The following AGGF1 variants were observed in gnomAD, a reference collection of about 807,000 sequenced individuals.
The protein encoded by AGGF1 is angiogenic factor with G-patch and FHA domains 1.
In AGGF1, 56 loss-of-function variants were observed where a neutral mutation model predicts 86.5. The observed-to-expected ratio is 0.65, with a 90% CI of 0.52 to 0.81. The LOEUF (loss-of-function observed/expected upper bound fraction) is 0.81. Ranked by LOEUF, AGGF1 falls within the 30% of genes least tolerant of loss-of-function variation. AGGF1 has a pLI of 0.00. For synonymous variants in AGGF1, 313 were observed against 297.1 expected, an observed-to-expected ratio of 1.05 and a Z score of -0.55; for missense variants, 816 against 850.9, an observed-to-expected ratio of 0.96 and a Z score of 0.51.
intron 5 of AGGF1, among the ~76,000 whole-genome samples, chr5:77,043,863 C>T (rs1293408123): frequency 2.2e-5 from 3 of 134,956 alleles, no homozygotes; most frequent in Admixed American, 7.3e-5. Flanking sequence ...ACTTCTCAGA[C>T]GGGGCGGCCG....
At position 77,063,498 on chromosome 5, in the gene AGGF1, G is replaced by A. The variant is rs1049656089; in HGVS notation, c.*246G>A. 3.8e-5 allele frequency: 18 copies of A among 476,236 alleles called. No individual in the cohort carries two copies. Among genetic ancestry groups the A allele is most frequent in the African/African-American group, 2.0e-4 (10 of 51,092 alleles). The allele number at this position is 476,236 out of a possible 1,614,324, so 29.5% of individuals were successfully genotyped here. A position where few individuals can be genotyped will look rare whatever the true frequency, so the allele number is the denominator to read the frequency against. On this transcript the variant is annotated 3_prime_UTR_variant, in exon 14 of 14. Transcript: ENST00000312916. ...GGCACGGATGAGTTTATCAAACTTC[G>A]TTATTTTATCTTGTCATTTACAACA...
chr5:77,064,683 C>T lies in AGGF1; in HGVS notation c.*1431C>T, dbSNP rs764165825. 2 of 152,144 alleles carry T rather than the reference C, an allele frequency of 1.3e-5. No individual in the cohort carries two copies. The highest frequency in any genetic ancestry group is 6.5e-5 in the Admixed American group (1 of 15,270). 9.4% of individuals were successfully genotyped at this position (152,144 alleles called of 1,614,324 possible). On this transcript the variant is annotated 3_prime_UTR_variant, in exon 14 of 14. Transcript: ENST00000312916. The stretch of plus-strand genomic sequence containing the variant: ...TGACACATACGTATGTACAGTTAGA[C>T]TTGCAGGCTGCAGGAGTGCCCTGCA...
chr5:77,044,173 A>G (rs3951436), intron 5 of AGGF1, among the ~76,000 whole-genome samples: 2 of 146,128 alleles, frequency 1.4e-5, no homozygotes, highest in East Asian at 2.0e-4. Context: ...CTTCCCAGAC[A>G]GGGTGGCGGC....
chr5:77,035,323 G>T (rs1746943835), intron 2 of AGGF1, among the ~76,000 whole-genome samples: 1 of 151,582 alleles, frequency 6.6e-6, no homozygotes, highest in African/African-American at 2.4e-5. Context: ...TTAACTGACA[G>T]CTAGGGTCTT....
chr5:77,046,548 G>A lies in AGGF1; in HGVS notation c.1072G>A (p.Asp358Asn). 1 of 1,613,854 alleles carries A rather than the reference G, an allele frequency of 6.2e-7. No individual in the cohort carries two copies. Among genetic ancestry groups the A allele is most frequent in the Non-Finnish European group, 8.5e-7 (1 of 1,179,886 alleles). Residue 358 changes from aspartate to asparagine, a missense_variant, in exon 6 of 14, where the codon GAT becomes AAT. Physicochemically the swap from Asp to Asn is conservative, Grantham distance 23. Transcript: ENST00000312916. ...CATCTCTAATTCAACATCATTTAAA[G>A]ATGAGAAAATCATGGAGACTGATAG... ...ENISNSTSFK[D>N]EKIMETDSEP... is the part of the protein sequence containing the mutation.
intron 3 of AGGF1, among the ~76,000 whole-genome samples, chr5:77,036,227 A>C (rs1580123612): frequency 1.3e-5 from 2 of 152,108 alleles, no homozygotes; most frequent in African/African-American, 4.8e-5. Flanking sequence ...TTTCCAATTG[A>C]ACATATAATC....
intron 1 of AGGF1, among the ~76,000 whole-genome samples, chr5:77,031,739 C>T (rs1746857319): frequency 6.6e-6 from 1 of 152,046 alleles, no homozygotes; most frequent in Non-Finnish European, 1.5e-5. Context: ...CCGGGCGTCT[C>T]TACTAAATAC....
In AGGF1 at chr5:77,063,563, AC is replaced by A; in HGVS notation, c.*312del. 3.0e-6 allele frequency: 1 copy of A among 337,448 alleles called. No homozygotes were observed. The highest frequency in any genetic ancestry group is 7.2e-5 in the East Asian group (1 of 13,812). The allele number at this position is 337,448 out of a possible 1,614,324, so 20.9% of individuals were successfully genotyped here. A position where few individuals can be genotyped will look rare whatever the true frequency, so the allele number is the denominator to read the frequency against. Reference sequence around the variant, plus strand: ...TAGCCATATAAGCAAAATTCATAGAACTACTAATGACTTAAGTGTACATCTG... The same window carrying A: ...TAGCCATATAAGCAAAATTCATAGAATACTAATGACTTAAGTGTACATCTG... On this transcript the variant is annotated 3_prime_UTR_variant, in exon 14 of 14. Transcript: ENST00000312916.
chr5:77,037,657 T>A (rs750231965), intron 4 of AGGF1, among the ~76,000 whole-genome samples: 5 of 152,040 alleles, frequency 3.3e-5, no homozygotes, highest in Non-Finnish European at 7.4e-5. Flanking sequence ...CACCCTCTAG[T>A]CCCAGCTACT....
chr5:77,047,099 A>T (rs1747269636), intron 6 of AGGF1, among the ~76,000 whole-genome samples: 1 of 152,226 alleles, frequency 6.6e-6, no homozygotes, highest in African/African-American at 2.4e-5. Context: ...ACTTGAATAT[A>T]TAAAGACATA....
Position 77,063,046 on chromosome 5 carries a change from T to A in AGGF1, c.1945-6T>A, listed in dbSNP as rs548554797. On this transcript the variant is annotated splice_region_variant and splice_polypyrimidine_tract_variant and intron_variant, in intron 13 of 13. Transcript: ENST00000312916. ...AATAAGTCCTCTGCTCAACTTTTGG[T>A]AACAGATCCAGCTTCAGCTTCGGCG... 1 of 1,614,038 alleles carries A rather than the reference T, an allele frequency of 6.2e-7. No individual in the cohort carries two copies. The highest frequency in any genetic ancestry group is 1.1e-5 in the South Asian group (1 of 91,086).
chr5:77,060,652 T>C (rs1211663268), intron 12 of AGGF1, among the ~76,000 whole-genome samples: 1 of 152,180 alleles, frequency 6.6e-6, no homozygotes, highest in East Asian at 1.9e-4. Context: ...AAAGTTTTGA[T>C]TCAATATCAT....
chr5:77,038,056 C>T (rs1461210072), intron 4 of AGGF1, among the ~76,000 whole-genome samples: 1 of 152,078 alleles, frequency 6.6e-6, no homozygotes, highest in Non-Finnish European at 1.5e-5. Flanking sequence ...AGTTGACGTT[C>T]ATCATTCCTG....
chr5:77,035,825 T>G, intron 3 of AGGF1, 82 bp downstream of exon 3: 1 of 1,233,456 alleles, frequency 8.1e-7, no homozygotes, highest in Non-Finnish European at 1.2e-6. Flanking sequence ...GATAGACTTC[T>G]TTGGTCCGTC....
intron 5 of AGGF1, among the ~76,000 whole-genome samples, chr5:77,045,171 G>A (rs1747221025): frequency 6.6e-6 from 1 of 152,092 alleles, no homozygotes; most frequent in Non-Finnish European, 1.5e-5. Flanking sequence ...AGAAAGAAAA[G>A]TGAGAGTGCG....
intron 5 of AGGF1, among the ~76,000 whole-genome samples, chr5:77,045,064 CAAA>C (rs11355114): frequency 4.6e-5 from 4 of 86,538 alleles, no homozygotes; most frequent in Non-Finnish European, 7.5e-5. Flanking sequence ...GACTCCGTCT[CAAA>C]AAAAAAAAAA....
intron 11 of AGGF1, among the ~76,000 whole-genome samples, chr5:77,056,748 C>G (rs886546728): frequency 6.6e-6 from 1 of 151,804 alleles, no homozygotes; most frequent in African/African-American, 2.4e-5. Flanking sequence ...TCCTTAAGAA[C>G]AAATTGATAA....
chr5:77,030,966 TCCGCACGCAGGTGCGCGGTCCTCCTCAG>T lies in AGGF1; in HGVS notation c.203_210+20del. 6.2e-7 allele frequency: 1 copy of T among 1,612,128 alleles called. No individual in the cohort carries two copies. The highest frequency in any genetic ancestry group is 8.5e-7 in the Non-Finnish European group (1 of 1,179,952). The stretch of plus-strand genomic sequence containing the variant: ...AACGCAGAAAGCAACAACCAGGAGC[TCCGCACGCAGGTGCGCGGTCCTCCTCAG>T]CCCCGCGCCCCATCCAGCCCAGGCG... On this transcript the variant is annotated splice_donor_variant and splice_donor_5th_base_variant and coding_sequence_variant and intron_variant, in exon 1 of 14. Coordinates refer to ENST00000312916, the MANE Select transcript of AGGF1 (RefSeq NM_018046.5). LOFTEE classifies it high-confidence loss of function.
Position 77,030,747 on chromosome 5 carries a change from G to A in AGGF1, c.-20G>A. On this transcript the variant is annotated 5_prime_UTR_variant, in exon 1 of 14. Coordinates refer to ENST00000312916, the MANE Select transcript of AGGF1 (RefSeq NM_018046.5). ...GAACGCAGCCCCTCCGCGGCGACGAGCAGTCTCGCGCCGGAGCTCATGGCC... is the reference window on the plus strand; with the variant it reads ...GAACGCAGCCCCTCCGCGGCGACGAACAGTCTCGCGCCGGAGCTCATGGCC... The A allele has an allele frequency of 1.9e-6, 3 of 1,555,672 alleles. No homozygotes were observed. Among genetic ancestry groups the A allele is most frequent in the Non-Finnish European group, 2.6e-6 (3 of 1,157,534 alleles).
Sources: gnomAD v4.1 joint callset for allele counts (sites outside exome capture counted in the v4.1 genomes callset) on GRCh38, gnomAD v4.1.1 for gene constraint, MANE v1.5 for transcripts, NCBI Gene and HGNC (gene_info 2026-07-23, HGNC 2026-07-21) for gene names.